The following KALRN variants were observed in gnomAD, a reference collection of about 807,000 sequenced individuals.
KALRN encodes kalirin.
A neutral mutation model predicts 353.7 loss-of-function variants in KALRN; 70 were observed. The ratio of observed to expected loss-of-function variants is 0.20; its 90% CI spans 0.16 to 0.24. KALRN has a LOEUF of 0.24. Ranked by LOEUF, KALRN falls within the 10% of genes least tolerant of loss-of-function variation. The pLI, the probability that KALRN is intolerant of heterozygous loss-of-function variation, is 1.00. For missense variants in KALRN, 2,791 were observed against 3,756.7 expected (o/e 0.74, Z 6.72); for synonymous variants, 1,391 against 1,434.8 (o/e 0.97, Z 0.69).
chr3:124,334,304 C>T lies in KALRN; in HGVS notation c.1456C>T (p.Arg486Trp), dbSNP rs201924423. 6.2e-6 allele frequency: 10 copies of T among 1,614,238 alleles called. No individual in the cohort carries two copies. The Admixed American group carries it at 8.3e-5, about 13-fold the overall frequency. The change falls in exon 9 of 60, where the codon CGG becomes TGG. Residue 486 changes from arginine (R) to tryptophan (W), a missense_variant. Transcript: ENST00000682506. The surrounding 1 kb of genome is among the most constrained non-coding windows in gnomAD (Gnocchi z 4.2). ...DGKALLDVLQ[R>W]PLSPGNSESL... ...CAAAGCACTACTTGATGTGCTGCAG[C>T]GGCCCCTGAGCCCTGGGAACTCCGA...
chr3:124,360,610 G>T (rs994360856), intron 10 of KALRN, among the ~76,000 whole-genome samples: 1 of 152,230 alleles, frequency 6.6e-6, no homozygotes, highest in African/African-American at 2.4e-5. Context: ...TAGAAAGGAA[G>T]CAAGGAAAGC....
chr3:124,464,601 AAT>A (rs1333077975), intron 25 of KALRN, among the ~76,000 whole-genome samples: 2 of 152,170 alleles, frequency 1.3e-5, no homozygotes, highest in African/African-American at 4.8e-5. Context: ...ATCGAGTTAG[AAT>A]ATTATGAAGA....
intron 45 of KALRN, among the ~76,000 whole-genome samples, chr3:124,663,226 C>A (rs563637100): frequency 6.6e-6 from 1 of 152,320 alleles, no homozygotes; most frequent in South Asian, 2.1e-4. Flanking sequence ...GGATTATAGG[C>A]GTGAGCCACC....
At chr3:124,158,894 A>G (rs1210087871) in intron 1 of KALRN, among the ~76,000 whole-genome samples, 1 of 152,066 alleles carries the variant, frequency 6.6e-6, no homozygotes. Context: ...ATGCACACCC[A>G]ACCAGATCTG....
chr3:124,681,419 T>C (rs910424178), intron 51 of KALRN, among the ~76,000 whole-genome samples: 2 of 152,138 alleles, frequency 1.3e-5, no homozygotes, highest in Non-Finnish European at 2.9e-5. Flanking sequence ...AGAATATTCG[T>C]GCTGAACAGA....
intron 10 of KALRN, among the ~76,000 whole-genome samples, chr3:124,349,342 T>C (rs1466416501): frequency 1.3e-5 from 2 of 152,232 alleles, no homozygotes; most frequent in Admixed American, 1.3e-4. Flanking sequence ...GGAGCTATTG[T>C]TTAATGCAAG....
intron 38 of KALRN, among the ~76,000 whole-genome samples, chr3:124,655,101 C>T (rs1045240989): frequency 6.6e-6 from 1 of 152,214 alleles, no homozygotes; most frequent in African/African-American, 2.4e-5. Flanking sequence ...AAAAACTTCA[C>T]TTGATATCTA....
chr3:124,230,029 A>G (rs1451282902), intron 2 of KALRN, among the ~76,000 whole-genome samples: 1 of 152,144 alleles, frequency 6.6e-6, no homozygotes, highest in African/African-American at 2.4e-5. Flanking sequence ...TTGGATTCTG[A>G]TTTCTTGCTA....
chr3:124,544,987 T>A (rs942753343), intron 33 of KALRN, among the ~76,000 whole-genome samples: 1 of 152,140 alleles, frequency 6.6e-6, no homozygotes, highest in Non-Finnish European at 1.5e-5. Context: ...TAAGGTGAGA[T>A]CAGAAAGGCA....
chr3:124,104,032 C>A (rs1047959898), intron 1 of KALRN, among the ~76,000 whole-genome samples: 3 of 152,142 alleles, frequency 2.0e-5, no homozygotes, highest in Admixed American at 2.0e-4. Flanking sequence ...TCAAGTGATA[C>A]TTATAAGGGG....
At chr3:124,697,256 T>C (rs992472981) in intron 54 of KALRN, among the ~76,000 whole-genome samples, 4 of 152,196 alleles carry the variant, frequency 2.6e-5, no homozygotes, top group Non-Finnish European at 4.4e-5. Context: ...AAATGTCCAT[T>C]GTAAAAATTC....
intron 1 of KALRN, among the ~76,000 whole-genome samples, chr3:124,224,853 A>G (rs1260674955): frequency 6.6e-6 from 1 of 152,218 alleles, no homozygotes; most frequent in Non-Finnish European, 1.5e-5. Flanking sequence ...GTCTCAGAGT[A>G]TTAGAGCTGA....
At chr3:124,082,158 C>T (rs942155467) in intron 1 of KALRN, 24 of 423,602 alleles carry the variant, frequency 5.7e-5, no homozygotes, top group Non-Finnish European at 9.3e-5. Context: ...TGCATGGCTT[C>T]CCGGGCTGGG....
chr3:124,125,941 C>G (rs1347348280), intron 1 of KALRN, among the ~76,000 whole-genome samples: 1 of 152,150 alleles, frequency 6.6e-6, no homozygotes, highest in Non-Finnish European at 1.5e-5. Flanking sequence ...TGGTTTGCGT[C>G]CTGACTCTGA....
At chr3:124,288,444 G>A (rs1382285865) in intron 5 of KALRN, among the ~76,000 whole-genome samples, 1 of 152,114 alleles carries the variant, frequency 6.6e-6, no homozygotes, top group East Asian at 1.9e-4. Context: ...GTGTCTGCAT[G>A]GCAGTGAATA....
chr3:124,501,749 T>A (rs927240054), intron 33 of KALRN, among the ~76,000 whole-genome samples: 1 of 152,104 alleles, frequency 6.6e-6, no homozygotes, highest in Non-Finnish European at 1.5e-5. Flanking sequence ...GCCTAGCCCC[T>A]GTGTTGGCAT....
intron 33 of KALRN, among the ~76,000 whole-genome samples, chr3:124,533,128 C>T (rs1301371564): frequency 6.6e-6 from 1 of 151,462 alleles, no homozygotes; most frequent in Non-Finnish European, 1.5e-5. Flanking sequence ...GTAGCTCATG[C>T]CTGTAATCCC....
intron 34 of KALRN, among the ~76,000 whole-genome samples, chr3:124,614,431 A>G (rs553356550): frequency 8.6e-5 from 13 of 150,994 alleles, no homozygotes; most frequent in Non-Finnish European, 1.5e-4. Context: ...ACTATGCCTG[A>G]CTAATTTTTA....
Position 124,660,955 on chromosome 3 carries a change from G to A in KALRN, c.6249G>A (p.Leu2083=). ...DFLRYSEKAG[L]ECSDIEKAVE... ...TGAGATACAGTGAGAAGGCTGGTTT[G>A]GAGTGTTCAGATATTGAGGTGAGTT... The change falls in exon 44 of 60, where the codon TTG becomes TTA. Residue 2083 remains leucine, a synonymous_variant. Transcript: ENST00000682506. 1 of 1,610,634 alleles carries A rather than the reference G, an allele frequency of 6.2e-7. No individual in the cohort carries two copies. The highest frequency in any genetic ancestry group is 1.1e-5 in the South Asian group (1 of 91,020).
Sources: gnomAD v4.1 joint callset for allele counts (sites outside exome capture counted in the v4.1 genomes callset) on GRCh38, gnomAD v4.1.1 for gene constraint, Gnocchi (gnomAD v3.1) non-coding constraint, MANE v1.5 for transcripts, NCBI Gene and HGNC (gene_info 2026-07-23, HGNC 2026-07-21) for gene names.